Variants in SYT16 observed in about 807,000 individuals in gnomAD.
The protein encoded by SYT16 is synaptotagmin-16.
In SYT16, 42 loss-of-function variants were observed where a neutral mutation model predicts 61.4. The observed-to-expected ratio is 0.68, with a 90% CI of 0.53 to 0.89. The LOEUF (loss-of-function observed/expected upper bound fraction) is 0.89. SYT16 is among the 40% of genes least tolerant of loss of function. The probability of loss-of-function intolerance (pLI) is 0.00; values close to 1 mark genes in which losing one functional copy is unlikely to be tolerated. For missense variants in SYT16, 804 were observed against 807.3 expected, an observed-to-expected ratio of 1.00 and a Z score of 0.05; for synonymous variants, 314 against 302.3, an observed-to-expected ratio of 1.04 and a Z score of -0.40.
chr14:62,058,397 A>C (rs1428805802), intron 3 of SYT16, among the ~76,000 whole-genome samples: 1 of 133,680 alleles, frequency 7.5e-6, no homozygotes, highest in Non-Finnish European at 1.5e-5. Flanking sequence ...CAGCTCTGTC[A>C]CCCAGGCTGG....
chr14:61,945,152 C>T lies in SYT16; in HGVS notation c.-324-24980C>T, dbSNP rs551337678. Among the ~76,000 whole-genome samples, 9 of 152,144 alleles carry T rather than the reference C, an allele frequency of 5.9e-5. No homozygotes were observed. The South Asian group carries it at 1.9e-3, about 31-fold the overall frequency. Reference sequence around the variant, plus strand: ...TGAAAGAAAGCTCATCATCACTGGTCATTTGAGAAATGCAAATCAAAACCA... The same window carrying T: ...TGAAAGAAAGCTCATCATCACTGGTTATTTGAGAAATGCAAATCAAAACCA... On this transcript the variant is annotated intron_variant, in intron 1 of 7. Transcript: ENST00000683842.
chr14:62,064,350 A>AAG (rs58096255), intron 3 of SYT16, among the ~76,000 whole-genome samples: 4 of 150,436 alleles, frequency 2.7e-5, no homozygotes, highest in African/African-American at 9.8e-5. Flanking sequence ...AAAAAAAAAA[A>AAG]AAAAAAAAGA....
chr14:62,009,088 T>C (rs2053340989), intron 3 of SYT16, among the ~76,000 whole-genome samples: 1 of 152,148 alleles, frequency 6.6e-6, no homozygotes, highest in South Asian at 2.1e-4. Context: ...TGGTTCATAT[T>C]GGCTTCTTCT....
intron 2 of SYT16, among the ~76,000 whole-genome samples, chr14:61,992,645 GT>G (rs1344823201): frequency 6.6e-6 from 1 of 151,898 alleles, no homozygotes; most frequent in South Asian, 2.1e-4. Context: ...TATTATTATT[GT>G]TTTTTTGAGC....
At chr14:62,063,633 C>G (rs907854272) in intron 3 of SYT16, among the ~76,000 whole-genome samples, 14 of 152,144 alleles carry the variant, frequency 9.2e-5, no homozygotes, top group African/African-American at 3.1e-4. Flanking sequence ...CAGTTTCTGT[C>G]ATACTAAGAC....
chr14:62,056,052 C>T (rs1325478492), intron 3 of SYT16, among the ~76,000 whole-genome samples: 7 of 151,704 alleles, frequency 4.6e-5, no homozygotes, highest in Admixed American at 3.9e-4. Flanking sequence ...CGTTCTTCTC[C>T]CTGCTTTTTT....
chr14:62,100,376 CTT>C lies in SYT16; in HGVS notation c.1625-9_1625-8del, dbSNP rs749150838. ...TGTTTCTTATCATCCCCACCCCACC[CTT>C]TTTTTTTTGTCTTAGATACATATGG... On this transcript the variant is annotated splice_polypyrimidine_tract_variant and intron_variant, in intron 7 of 7. Coordinates refer to ENST00000683842, the MANE Select transcript of SYT16 (RefSeq NM_001367656.1). 89 of 1,285,564 alleles carry C rather than the reference CTT, an allele frequency of 6.9e-5. 1 individual carries two copies. In the South Asian group the frequency reaches 8.3e-4, roughly 12 times the overall value. The allele number at this position is 1,285,564 out of a possible 1,614,324, so 79.6% of individuals were successfully genotyped here. A position where few individuals can be genotyped will look rare whatever the true frequency, so the allele number is the denominator to read the frequency against.
In SYT16 at chr14:62,044,583, A is replaced by T. The variant is rs188562587; in HGVS notation, c.524-25020A>T. Among the ~76,000 whole-genome samples, 306 of 152,248 alleles carry T rather than the reference A, an allele frequency of 2.0e-3. 2 individuals carry two copies. The highest frequency in any genetic ancestry group is 3.9e-3 in the Non-Finnish European group (265 of 68,018). On this transcript the variant is annotated intron_variant, in intron 3 of 7. Coordinates refer to ENST00000683842, the MANE Select transcript of SYT16 (RefSeq NM_001367656.1). ...TTTCTGTTCCTGTGTTAGTTTGCTGAGAATGATGGTTTCTAGCTTCATCCA... is the reference window on the plus strand; with the variant it reads ...TTTCTGTTCCTGTGTTAGTTTGCTGTGAATGATGGTTTCTAGCTTCATCCA...
chr14:61,905,899 A>G (rs2048691322), intron 1 of SYT16, among the ~76,000 whole-genome samples: 1 of 152,032 alleles, frequency 6.6e-6, no homozygotes, highest in East Asian at 1.9e-4. Flanking sequence ...CTGGGACTAT[A>G]GGCATGTGCC....
chr14:62,077,294 G>C (rs1287357838), intron 5 of SYT16, among the ~76,000 whole-genome samples: 2 of 152,218 alleles, frequency 1.3e-5, no homozygotes, highest in African/African-American at 4.8e-5. Flanking sequence ...CTCATCTTAA[G>C]GAAAAGCCCA....
chr14:61,906,224 A>G (rs921363970), intron 1 of SYT16, among the ~76,000 whole-genome samples: 2 of 152,230 alleles, frequency 1.3e-5, no homozygotes, highest in East Asian at 3.8e-4. Context: ...CTACTGGTGA[A>G]TGTGGGAGGG....
chr14:62,053,581 T>G (rs893232627), intron 3 of SYT16, among the ~76,000 whole-genome samples: 1 of 152,262 alleles, frequency 6.6e-6, no homozygotes, highest in African/African-American at 2.4e-5. Context: ...AGTATTGTAC[T>G]AATTTTTAAA....
chr14:61,825,044 G>A (rs372583199), intron 1 of SYT16, among the ~76,000 whole-genome samples: 3 of 152,108 alleles, frequency 2.0e-5, no homozygotes, highest in Non-Finnish European at 4.4e-5. Flanking sequence ...AAGTAGAAAA[G>A]AGCCCTAAAA....
chr14:62,044,137 C>G (rs2054863301), intron 3 of SYT16, among the ~76,000 whole-genome samples: 1 of 151,332 alleles, frequency 6.6e-6, no homozygotes, highest in Admixed American at 6.6e-5. Flanking sequence ...AAGTTTGAGG[C>G]TGCAGTGAGC....
chr14:62,069,674 G>T lies in SYT16; in HGVS notation c.595G>T (p.Glu199Ter), dbSNP rs1337807190. ...DSDEEVIKQFEISVSRSQSFR... is the reference protein window; with the variant it reads ...DSDEEVIKQF ...TGACGAGGAGGTGATCAAACAATTT[G>T]AGATTTCCGTGTCCCGGTCCCAGAG... The change falls in exon 4 of 8, where the codon GAG (glutamate) becomes TAG (stop). Residue 199 changes from glutamate to a stop codon, truncating the protein, a stop_gained. Transcript: ENST00000683842. LOFTEE classifies it high-confidence loss of function. 6.2e-7 allele frequency: 1 copy of T among 1,613,878 alleles called. No homozygotes were observed. Among genetic ancestry groups the T allele is most frequent in the Non-Finnish European group, 8.5e-7 (1 of 1,179,902 alleles).
chr14:61,919,801 A>AG (rs61452187), intron 1 of SYT16, among the ~76,000 whole-genome samples: 112,213 of 124,042 alleles, frequency 0.9, 50,414 homozygotes, highest in East Asian at 0.98. Flanking sequence ...ACATATGAAG[A>AG]AAAAGGGCAT....
chr14:62,073,164 A>T (rs1195604387), intron 4 of SYT16, among the ~76,000 whole-genome samples: 1 of 152,108 alleles, frequency 6.6e-6, no homozygotes, highest in Non-Finnish European at 1.5e-5. Flanking sequence ...TATCATTCTT[A>T]TGTTTTTCAG....
intron 1 of SYT16, among the ~76,000 whole-genome samples, chr14:61,939,580 G>A (rs2050128683): frequency 6.6e-6 from 1 of 152,118 alleles, no homozygotes; most frequent in Admixed American, 6.5e-5. Flanking sequence ...GTGTGTACAT[G>A]CCTGTGGCCA....
rs1283640328 is a variant in SYT16, at chr14:62,080,955, T to C, written c.1115T>C (p.Val372Ala). ...AASQKLTVTI[V>A]RAQGLPDKDR... is the part of the protein sequence containing the mutation. ...AGCCAGAAGCTCACAGTGACCATTG[T>C]GAGGGCACAGGGCCTCCCAGATAAG... Residue 372 changes from valine to alanine, a missense_variant, in exon 6 of 8, where the codon GTG (valine) becomes GCG (alanine). Transcript: ENST00000683842. The C allele has an allele frequency of 1.2e-6, 2 of 1,612,238 alleles. No individual in the cohort carries two copies. The highest frequency in any genetic ancestry group is 2.7e-5 in the African/African-American group (2 of 74,894).
Sources: gnomAD v4.1 joint callset for allele counts (sites outside exome capture counted in the v4.1 genomes callset) on GRCh38, gnomAD v4.1.1 for gene constraint, MANE v1.5 for transcripts, NCBI Gene and HGNC (gene_info 2026-07-23, HGNC 2026-07-21) for gene names.